Variants in RTTN observed in about 807,000 individuals in gnomAD.
RTTN encodes the protein rotatin.
A neutral mutation model predicts 269.2 loss-of-function variants in RTTN; 182 were observed. That is an observed-to-expected ratio of 0.68 (90% CI 0.60 to 0.76). RTTN has a LOEUF of 0.76. Ranked by LOEUF, RTTN falls within the 30% of genes least tolerant of loss-of-function variation. The pLI, the probability that RTTN is intolerant of heterozygous loss-of-function variation, is 0.00. For missense variants in RTTN, 2,545 were observed against 2,608.6 expected, an observed-to-expected ratio of 0.98 and a Z score of 0.53; for synonymous variants, 1,006 against 963.5, an observed-to-expected ratio of 1.04 and a Z score of -0.82.
At chr18:70,014,163 A>T (rs2056474114) in intron 46 of RTTN, among the ~76,000 whole-genome samples, 1 of 152,236 alleles carries the variant, frequency 6.6e-6, no homozygotes, top group Admixed American at 6.5e-5. Flanking sequence ...AGTACAACTG[A>T]ATAATTTTAA....
At chr18:70,113,335 T>C (rs946444043) in intron 27 of RTTN, among the ~76,000 whole-genome samples, 4 of 151,920 alleles carry the variant, frequency 2.6e-5, no homozygotes, top group African/African-American at 9.7e-5. Context: ...GAAATGCAAA[T>C]AAAAACCAAA....
At chr18:70,076,883 T>C (rs1048784897) in intron 32 of RTTN, among the ~76,000 whole-genome samples, 2 of 121,666 alleles carry the variant, frequency 1.6e-5, no homozygotes, top group African/African-American at 2.9e-5. Context: ...TATTTTATTA[T>C]ATAGAATGAA....
intron 7 of RTTN, among the ~76,000 whole-genome samples, 172 bp from the exon 8 acceptor site, chr18:70,193,625 T>A (rs2061734218): frequency 6.6e-6 from 1 of 152,242 alleles, no homozygotes; most frequent in Non-Finnish European, 1.5e-5. Context: ...ATTCACTTAG[T>A]ACATTTAGGT....
rs978794737 is a variant in RTTN at position 70,092,057 on chromosome 18, G to A, written c.4143+53C>T. 272 of 1,203,186 alleles carry A rather than the reference G, an allele frequency of 2.3e-4. 4 individuals are homozygous for A. The Admixed American group carries it at 4.7e-3, about 21-fold the overall frequency. 74.5% of individuals were successfully genotyped at this position (1,203,186 alleles called of 1,614,324 possible). On this transcript the variant is annotated intron_variant, in intron 30 of 48. Coordinates refer to ENST00000640769, the MANE Select transcript of RTTN (RefSeq NM_173630.4). ...CATGAGCCACCGCACCTGGCCCCGT[G>A]TCATTTGTTTTTTAATCTAAACACA...
At chr18:70,149,503 G>A (rs1340707364) in intron 16 of RTTN, among the ~76,000 whole-genome samples, 4 of 142,676 alleles carry the variant, frequency 2.8e-5, no homozygotes, top group Non-Finnish European at 6.0e-5. Context: ...AAAGAGACAG[G>A]AAACTGACTC....
chr18:70,106,304 C>A (rs1332980585), intron 28 of RTTN, among the ~76,000 whole-genome samples: 2 of 152,126 alleles, frequency 1.3e-5, no homozygotes, highest in Non-Finnish European at 2.9e-5. Flanking sequence ...GTGATTGCAC[C>A]ACTGCATTCC....
intron 29 of RTTN, 102 bp from the exon 30 acceptor site, chr18:70,092,322 G>A: frequency 1.3e-6 from 1 of 769,062 alleles, no homozygotes; most frequent in Non-Finnish European, 2.1e-6. Context: ...ACGTGAAAAT[G>A]TATTTTAGAC....
intron 37 of RTTN, among the ~76,000 whole-genome samples, chr18:70,055,633 T>G (rs1260034640): frequency 6.6e-6 from 1 of 152,150 alleles, no homozygotes; most frequent in Non-Finnish European, 1.5e-5. Flanking sequence ...CTACTGAAAT[T>G]ATAGCAAGTC....
chr18:70,048,206 G>C lies in RTTN; in HGVS notation c.5324-18C>G. On this transcript the variant is annotated intron_variant, in intron 39 of 48. Coordinates refer to ENST00000640769, the MANE Select transcript of RTTN (RefSeq NM_173630.4). ...GAACATATCTAAAGGAATAATTTCA[G>C]ATGTGAATGTTTGAAAATTTCTTCA... The C allele has an allele frequency of 6.3e-7, 1 of 1,585,746 alleles. No homozygotes were observed. The highest frequency in any genetic ancestry group is 1.7e-4 in the Middle Eastern group (1 of 5,982).
At chr18:70,164,271 G>A (rs1228916391) in intron 14 of RTTN, among the ~76,000 whole-genome samples, 7 of 115,612 alleles carry the variant, frequency 6.1e-5, no homozygotes, top group African/African-American at 1.9e-4. Flanking sequence ...TGAGTGCAGT[G>A]GCATGATCAC....
rs1379167432 is a variant in RTTN at position 70,142,292 on chromosome 18, C to T, written c.2577G>A (p.Met859Ile). 50 of 1,583,326 alleles carry T rather than the reference C, an allele frequency of 3.2e-5. No homozygotes were observed. The highest frequency in any genetic ancestry group is 4.0e-5 in the Non-Finnish European group (46 of 1,154,570). ...ATTTCCCTTAAAAGACATTACCTTG[C>T]ATAATCACAGCTAACTGTTCAGCAG... ...KSAAEQLAVI[M>I]QDIKMHAVVK... is the part of the protein sequence containing the mutation. Residue 859 changes from methionine (M) to isoleucine (I), a missense_variant, in exon 19 of 49, where the codon ATG (methionine) becomes ATA (isoleucine). Transcript: ENST00000640769.
intron 21 of RTTN, among the ~76,000 whole-genome samples, chr18:70,138,037 G>A (rs1480260868): frequency 1.3e-5 from 2 of 152,160 alleles, no homozygotes; most frequent in African/African-American, 4.8e-5. Context: ...CCAGCACTTT[G>A]GGAGGCCAAG....
intron 14 of RTTN, among the ~76,000 whole-genome samples, chr18:70,153,110 T>C (rs1347665352): frequency 6.6e-6 from 1 of 152,110 alleles, no homozygotes; most frequent in Admixed American, 6.6e-5. Flanking sequence ...CCTCCCTCCC[T>C]AGCCAGCCTA....
chr18:70,028,120 A>G (rs1256188306), intron 43 of RTTN, among the ~76,000 whole-genome samples: 1 of 152,244 alleles, frequency 6.6e-6, no homozygotes, highest in African/African-American at 2.4e-5. Context: ...GTAAAACTAT[A>G]GACAAAGCAA....
At chr18:70,063,382 C>A (rs935636040) in intron 35 of RTTN, among the ~76,000 whole-genome samples, 1 of 152,120 alleles carries the variant, frequency 6.6e-6, no homozygotes, top group African/African-American at 2.4e-5. Flanking sequence ...ATTATCTTTT[C>A]ATGTTTTCTG....
At chr18:70,105,542 G>A (rs188933982) in intron 28 of RTTN, among the ~76,000 whole-genome samples, 2 of 152,258 alleles carry the variant, frequency 1.3e-5, no homozygotes, top group Admixed American at 1.3e-4. Flanking sequence ...TACCTCAGCT[G>A]GAAATGCAAA....
chr18:70,169,115 A>C, intron 11 of RTTN, 48 bp from the exon 12 acceptor site: 1 of 1,421,444 alleles, frequency 7.0e-7, no homozygotes, highest in Non-Finnish European at 9.5e-7. Context: ...TTTAAAAAAA[A>C]CTTATTTTAG....
chr18:70,110,438 G>A (rs546700095), intron 27 of RTTN, among the ~76,000 whole-genome samples: 1 of 152,224 alleles, frequency 6.6e-6, no homozygotes, highest in South Asian at 2.1e-4. Context: ...GTGGAGCATC[G>A]CCTCACCTGG....
At chr18:70,024,000 C>T (rs1433950656) in intron 44 of RTTN, among the ~76,000 whole-genome samples, 1 of 152,130 alleles carries the variant, frequency 6.6e-6, no homozygotes, top group African/African-American at 2.4e-5. Flanking sequence ...CCAGGCTAGT[C>T]TCAAACTCCA....
Sources: gnomAD v4.1 joint callset for allele counts (sites outside exome capture counted in the v4.1 genomes callset) on GRCh38, gnomAD v4.1.1 for gene constraint, MANE v1.5 for transcripts, NCBI Gene and HGNC (gene_info 2026-07-23, HGNC 2026-07-21) for gene names.